KLHL12: variants seen among roughly 807,000 people sequenced by gnomAD.
KLHL12 encodes kelch-like protein 12.
A neutral mutation model predicts 60.8 loss-of-function variants in KLHL12; 17 were observed. The ratio of observed to expected loss-of-function variants is 0.28; its 90% confidence interval spans 0.19 to 0.42. The LOEUF is 0.42. KLHL12 is among the 10% of genes least tolerant of loss of function. The pLI is 1.00. For synonymous variants in KLHL12, 220 were observed against 250.9 expected, an observed-to-expected ratio of 0.88 and a Z score of 1.16; for missense variants, 468 against 722.3, an observed-to-expected ratio of 0.65 and a Z score of 4.04.
intron 2 of KLHL12, among the ~76,000 whole-genome samples, chr1:202,920,369 A>ACTTTT (rs1660650217): frequency 1.2e-5 from 1 of 83,806 alleles, no homozygotes; most frequent in South Asian, 4.6e-4. Flanking sequence ...ATTTTGTTGG[A>ACTTTT]TTTTTTTTTT....
chr1:202,926,888 T>C (rs1323809427), intron 1 of KLHL12, among the ~76,000 whole-genome samples: 2 of 151,866 alleles, frequency 1.3e-5, no homozygotes, highest in Admixed American at 1.3e-4. Flanking sequence ...CAGGTGGAGG[T>C]ATCGGAGAGG....
At chr1:202,902,439 A>C (rs941790610) in intron 6 of KLHL12, among the ~76,000 whole-genome samples, 1 of 151,832 alleles carries the variant, frequency 6.6e-6, no homozygotes, top group Admixed American at 6.6e-5. Flanking sequence ...AAAAAAAAAA[A>C]CACCAAAAAC....
chr1:202,925,690 A>G (rs990987101), intron 1 of KLHL12, among the ~76,000 whole-genome samples: 1 of 152,200 alleles, frequency 6.6e-6, no homozygotes. Context: ...ATGTAAGAAA[A>G]AGTGTGTATT....
intron 10 of KLHL12, 24 bp downstream of exon 10, chr1:202,894,160 C>A (rs1417961936): frequency 7.3e-7 from 1 of 1,367,600 alleles, no homozygotes; most frequent in Non-Finnish European, 1.0e-6. Flanking sequence ...CGCCTATTGT[C>A]CCCTCCCTCA....
intron 1 of KLHL12, 136 bp from the exon 2 acceptor site, chr1:202,925,343 C>T: frequency 1.1e-6 from 1 of 921,498 alleles, no homozygotes; most frequent in Non-Finnish European, 1.6e-6. Context: ...CACTCCTATG[C>T]CTGGCATCAC....
chr1:202,903,150 AC>A (rs980641361), intron 6 of KLHL12, among the ~76,000 whole-genome samples: 6 of 98,262 alleles, frequency 6.1e-5, no homozygotes, highest in Non-Finnish European at 1.2e-4. Flanking sequence ...CCAGAGTGAG[AC>A]CTTGTCTCAA....
chr1:202,905,968 CTTTTTTT>C (rs71142574), intron 6 of KLHL12, among the ~76,000 whole-genome samples: 10 of 51,672 alleles, frequency 1.9e-4, no homozygotes, highest in African/African-American at 5.9e-4. Flanking sequence ...CCACACCTGG[CTTTTTTT>C]TTTTTTTTTT....
Position 202,919,436 on chromosome 1 carries a change from T to G in KLHL12, c.349+319A>C, listed in dbSNP as rs189358114. On this transcript the variant is annotated intron_variant, in intron 3 of 11. Transcript: ENST00000367261. Reference sequence around the variant, plus strand: ...TGTAGGCTATGTATAGTATCACTTTTTTATTATATTTCCTTATAGGTGTGT... The same window carrying G: ...TGTAGGCTATGTATAGTATCACTTTGTTATTATATTTCCTTATAGGTGTGT... Among the ~76,000 whole-genome samples the G allele has an allele frequency of 1.5e-3, 227 of 152,322 alleles. 3 individuals carry two copies. The highest frequency in any genetic ancestry group is 6.8e-3 in the Middle Eastern group (2 of 294).
In KLHL12 at chr1:202,927,220, G is replaced by A. The variant is rs1653627519; in HGVS notation, c.-177C>T. 5.1e-6 allele frequency: 5 copies of A among 985,086 alleles called. No individual in the cohort carries two copies. In the South Asian group the frequency reaches 1.9e-4, roughly 37 times the overall value. 61.0% of individuals were successfully genotyped at this position (985,086 alleles called of 1,614,324 possible). A position where few individuals can be genotyped will look rare whatever the true frequency, so the allele number is the denominator to read the frequency against. ...AGACCCGGAGGCTCTGGAGGCTCTG[G>A]AGCCGTCCGGGTCTGGCCCCTGCGG... On this transcript the variant is annotated 5_prime_UTR_variant, in exon 1 of 12. Coordinates refer to ENST00000367261, the MANE Select transcript of KLHL12 (RefSeq NM_021633.4).
At chr1:202,926,601 CTT>C (rs1653570009) in intron 1 of KLHL12, among the ~76,000 whole-genome samples, 1 of 152,186 alleles carries the variant, frequency 6.6e-6, no homozygotes, top group African/African-American at 2.4e-5. Context: ...CCCGGGGGGT[CTT>C]TTATCGTTTC....
chr1:202,893,439 A>C lies in KLHL12; in HGVS notation c.1394-14T>G. 1 of 1,599,790 alleles carries C rather than the reference A, an allele frequency of 6.3e-7. No homozygotes were observed. The highest frequency in any genetic ancestry group is 1.1e-5 in the South Asian group (1 of 89,842). The stretch of plus-strand genomic sequence containing the variant: ...CTACTCCTGCACCTGGGGAAAATGA[A>C]TGCATTAGCAAATGTATGGTACTAA... On this transcript the variant is annotated splice_polypyrimidine_tract_variant and intron_variant, in intron 10 of 11. Transcript: ENST00000367261. The surrounding 1 kb of genome is among the most constrained non-coding windows in gnomAD (Gnocchi z 4.1).
chr1:202,920,369 A>ATTTTTTTTTTTTTTTTTTTTTT lies in KLHL12; in HGVS notation c.196-483_196-462dup, dbSNP rs951695987. Among the ~76,000 whole-genome samples, 3 of 83,806 alleles carry ATTTTTTTTTTTTTTTTTTTTTT rather than the reference A, an allele frequency of 3.6e-5. 1 individual carries two copies. The highest frequency in any genetic ancestry group is 1.9e-4 in the Admixed American group (1 of 5,284). 55.0% of individuals were successfully genotyped at this position (83,806 alleles called of 152,430 possible). A position where few individuals can be genotyped will look rare whatever the true frequency, so the allele number is the denominator to read the frequency against. On this transcript the variant is annotated intron_variant, in intron 2 of 11. Transcript: ENST00000367261. ...ATAAAATTATGCTCTATTTTGTTGGATTTTTTTTTTTTTTTTTTTTTTTTT... is the reference window on the plus strand; with the variant it reads ...ATAAAATTATGCTCTATTTTGTTGGATTTTTTTTTTTTTTTTTTTTTTTTTTTTTTTTTTTTTTTTTTTTTTT...
At chr1:202,913,749 G>A (rs775945047) in intron 4 of KLHL12, among the ~76,000 whole-genome samples, 1 of 152,188 alleles carries the variant, frequency 6.6e-6, no homozygotes, top group Non-Finnish European at 1.5e-5. Flanking sequence ...TAGCCAGGGG[G>A]AGTAAGAGAG....
intron 4 of KLHL12, among the ~76,000 whole-genome samples, chr1:202,911,456 ATCTC>A (rs10577552): frequency 0.54 from 80,716 of 149,068 alleles, 22,510 homozygotes; most frequent in Non-Finnish European, 0.62. Flanking sequence ...ATATATATGT[ATCTC>A]TCTCTCTCTC....
chr1:202,906,455 C>CAAA (rs59435824), intron 6 of KLHL12, among the ~76,000 whole-genome samples: 6 of 52,710 alleles, frequency 1.1e-4, no homozygotes, highest in African/African-American at 3.4e-4. Context: ...CGCTTCGTCT[C>CAAA]AAAAAAAAAA....
chr1:202,911,275 T>C, intron 4 of KLHL12, 72 bp from the exon 5 acceptor site: 1 of 1,519,778 alleles, frequency 6.6e-7, no homozygotes, highest in Non-Finnish European at 9.0e-7. Flanking sequence ...CGTAACCACG[T>C]TCACTTTTTC....
At chr1:202,919,158 A>C (rs935611499) in intron 3 of KLHL12, among the ~76,000 whole-genome samples, 1 of 152,166 alleles carries the variant, frequency 6.6e-6, no homozygotes, top group Non-Finnish European at 1.5e-5. Context: ...CAGGAGGCTG[A>C]GGTGTGAGAA....
Position 202,891,429 on chromosome 1 carries a change from T to C in KLHL12, c.*1104A>G, listed in dbSNP as rs1659672044. The C allele has an allele frequency of 1.3e-5, 2 of 152,656 alleles. No individual in the cohort carries two copies. The highest frequency in any genetic ancestry group is 1.3e-4 in the Admixed American group (2 of 15,280). 9.5% of individuals were successfully genotyped at this position (152,656 alleles called of 1,614,324 possible). On this transcript the variant is annotated 3_prime_UTR_variant, in exon 12 of 12. Coordinates refer to ENST00000367261, the MANE Select transcript of KLHL12 (RefSeq NM_021633.4). ...CTAAAGGACAGGTAAGGAAAACTTA[T>C]AGCAGAAAAAAGACTAGATGTACCA...
chr1:202,928,357 A>C (rs767915255), upstream of KLHL12: 1 of 405,736 alleles, frequency 2.5e-6, no homozygotes, highest in Non-Finnish European at 4.9e-6. Context: ...GAGCCTGGGA[A>C]TGTATCTACA....
Sources: gnomAD v4.1 joint callset for allele counts (sites outside exome capture counted in the v4.1 genomes callset) on GRCh38, gnomAD v4.1.1 for gene constraint, Gnocchi (gnomAD v3.1) non-coding constraint, MANE v1.5 for transcripts, NCBI Gene and HGNC (gene_info 2026-07-23, HGNC 2026-07-21) for gene names.